Variants in NPM2 observed in about 807,000 individuals in gnomAD.
NPM2 encodes nucleophosmin/nucleoplasmin 2, also known as nucleoplasmin-2.
Under a neutral mutation model 32.0 loss-of-function variants are expected in NPM2, and 25 were observed. That is an observed-to-expected ratio of 0.78 (90% CI 0.57 to 1.09). The LOEUF is 1.09. Ranked by LOEUF, NPM2 falls within the 50% of genes least tolerant of loss-of-function variation. The probability of loss-of-function intolerance (pLI) is 0.00; values close to 1 mark genes in which losing one functional copy is unlikely to be tolerated. For synonymous variants in NPM2, 111 were observed against 94.2 expected, an observed-to-expected ratio of 1.18 and a Z score of -1.04; for missense variants, 282 against 259.9, an observed-to-expected ratio of 1.08 and a Z score of -0.58.
chr8:22,028,955 C>G (rs976050049), intron 5 of NPM2, among the ~76,000 whole-genome samples: 2 of 151,914 alleles, frequency 1.3e-5, no homozygotes, highest in African/African-American at 4.8e-5. Context: ...TCTCCTTTTC[C>G]TATATTTTAT....
intron 5 of NPM2, among the ~76,000 whole-genome samples, chr8:22,026,196 G>C (rs117191475): frequency 2.0e-5 from 3 of 152,024 alleles, no homozygotes; most frequent in Non-Finnish European, 4.4e-5. Context: ...CTTCTTATGA[G>C]AATCGAATGC....
intron 8 of NPM2, chr8:22,036,278 G>T: frequency 1.9e-6 from 1 of 536,662 alleles, no homozygotes; most frequent in East Asian, 3.2e-5. Flanking sequence ...AGACATTTGT[G>T]ATAACTAAAT....
chr8:22,036,422 C>T (rs989415294), intron 8 of NPM2, 71 bp from the exon 9 acceptor site: 20 of 1,504,146 alleles, frequency 1.3e-5, no homozygotes, highest in South Asian at 2.5e-5. Flanking sequence ...GGGAGGGCCA[C>T]GCCGCTGGTC....
At chr8:22,028,692 G>GGC (rs1408744520) in intron 5 of NPM2, among the ~76,000 whole-genome samples, 2 of 152,082 alleles carry the variant, frequency 1.3e-5, no homozygotes, top group East Asian at 3.8e-4. Context: ...GTTAGGTCAT[G>GGC]GCTCTCTCTC....
chr8:22,028,341 ATTTTTTTTTTTTTTTTT>A (rs36012479), intron 5 of NPM2, among the ~76,000 whole-genome samples: 3 of 65,570 alleles, frequency 4.6e-5, no homozygotes, highest in African/African-American at 1.2e-4. Context: ...TGCCAAAAAG[ATTTTTTTTTTTTTTTTT>A]TTTTTTTTTT....
At chr8:22,036,389 G>T in intron 8 of NPM2, 104 bp from the exon 9 acceptor site, 1 of 1,181,394 alleles carries the variant, frequency 8.5e-7, no homozygotes, top group South Asian at 1.4e-5. Context: ...GAGCAGCCAG[G>T]CTTGCTTTCC....
At chr8:22,036,399 C>T in intron 8 of NPM2, 94 bp from the exon 9 acceptor site, 2 of 1,305,298 alleles carry the variant, frequency 1.5e-6, no homozygotes, top group Admixed American at 4.8e-5. Flanking sequence ...GCTTGCTTTC[C>T]AGGGTGGGCA....
chr8:22,034,805 C>G (rs1290972973), intron 8 of NPM2, among the ~76,000 whole-genome samples: 2 of 152,156 alleles, frequency 1.3e-5, no homozygotes. Context: ...GGGAAATTAC[C>G]TGCACTAAGA....
At chr8:22,026,986 C>G (rs949013774) in intron 5 of NPM2, among the ~76,000 whole-genome samples, 2 of 152,118 alleles carry the variant, frequency 1.3e-5, no homozygotes, top group Non-Finnish European at 2.9e-5. Flanking sequence ...TTACCAAATG[C>G]TTTTCTATTC....
In NPM2 at chr8:22,025,637, C is replaced by T. The variant is rs1800220321; in HGVS notation, c.145-10C>T. ...GGTGATGAGGGGCCTCTATTTTCAACCCCGCTCAGATTTGCTTGGGGGAGA... is the reference window on the plus strand; with the variant it reads ...GGTGATGAGGGGCCTCTATTTTCAATCCCGCTCAGATTTGCTTGGGGGAGA... On this transcript the variant is annotated splice_polypyrimidine_tract_variant and intron_variant, in intron 4 of 9. Coordinates refer to ENST00000518119, the MANE Select transcript of NPM2 (RefSeq NM_001286680.2). 6 of 1,614,056 alleles carry T rather than the reference C, an allele frequency of 3.7e-6. No homozygotes were observed. Among genetic ancestry groups the T allele is most frequent in the South Asian group, 3.3e-5 (3 of 91,092 alleles).
chr8:22,036,831 T>A lies in NPM2; in HGVS notation c.*149T>A. On this transcript the variant is annotated 3_prime_UTR_variant, in exon 10 of 10. Transcript: ENST00000518119. ...CATGAGAGCCCCTCACCCCCAACTC[T>A]CCACTTTCAGGAGGCCCCCAGTGAA... The A allele has an allele frequency of 1.3e-6, 1 of 762,484 alleles. No individual in the cohort carries two copies. Among genetic ancestry groups the A allele is most frequent in the East Asian group, 3.0e-5 (1 of 33,372 alleles). The allele number at this position is 762,484 out of a possible 1,614,324, so 47.2% of individuals were successfully genotyped here. A position where few individuals can be genotyped will look rare whatever the true frequency, so the allele number is the denominator to read the frequency against.
chr8:22,036,335 C>T (rs1800619394), intron 8 of NPM2, 158 bp from the exon 9 acceptor site: 3 of 626,680 alleles, frequency 4.8e-6, no homozygotes, highest in Admixed American at 3.0e-5. Context: ...CATGCACACG[C>T]ACACACATCC....
chr8:22,024,606 C>T lies in NPM2; in HGVS notation c.-158C>T, dbSNP rs930933903. The T allele has an allele frequency of 6.6e-6, 1 of 152,372 alleles. No individual in the cohort carries two copies. Among genetic ancestry groups the T allele is most frequent in the Non-Finnish European group, 1.5e-5 (1 of 68,172 alleles). 9.4% of individuals were successfully genotyped at this position (152,372 alleles called of 1,614,324 possible). A position where few individuals can be genotyped will look rare whatever the true frequency, so the allele number is the denominator to read the frequency against. On this transcript the variant is annotated 5_prime_UTR_variant, in exon 1 of 10. Coordinates refer to ENST00000518119, the MANE Select transcript of NPM2 (RefSeq NM_001286680.2). ...TGTGGAGTGGGGCGCGGCAATGCGC[C>T]CCTTAACAGCCCTCCAGGTGATTCT...
intron 6 of NPM2, among the ~76,000 whole-genome samples, chr8:22,033,597 G>A (rs150988675): frequency 3.6e-4 from 54 of 151,864 alleles, no homozygotes; most frequent in Non-Finnish European, 5.7e-4. Flanking sequence ...CCATAGCAAC[G>A]CGGCATGATG....
chr8:22,024,483 C>A lies in NPM2; in HGVS notation c.-281C>A. 6.5e-6 allele frequency: 1 copy of A among 152,674 alleles called. No individual in the cohort carries two copies. The highest frequency in any genetic ancestry group is 1.9e-4 in the East Asian group (1 of 5,182). The allele number at this position is 152,674 out of a possible 1,614,324, so 9.5% of individuals were successfully genotyped here. A position where few individuals can be genotyped will look rare whatever the true frequency, so the allele number is the denominator to read the frequency against. Reference sequence around the variant, plus strand: ...GGTCCGCAATTGGCCGGGACAGCTTCTCACGAAAGGTCCTGGGCCGGCATC... The same window carrying A: ...GGTCCGCAATTGGCCGGGACAGCTTATCACGAAAGGTCCTGGGCCGGCATC... On this transcript the variant is annotated 5_prime_UTR_variant, in exon 1 of 10. Coordinates refer to ENST00000518119, the MANE Select transcript of NPM2 (RefSeq NM_001286680.2).
At chr8:22,036,425 C>A in intron 8 of NPM2, 68 bp from the exon 9 acceptor site, 2 of 1,521,998 alleles carry the variant, frequency 1.3e-6, no homozygotes, top group East Asian at 2.4e-5. Context: ...AGGGCCACGC[C>A]GCTGGTCTGG....
rs147569042 is a variant in NPM2, at chr8:22,034,201, A to G, written c.457A>G (p.Ile153Val). 1.2e-4 allele frequency: 198 copies of G among 1,612,944 alleles called. No homozygotes were observed. The highest frequency in any genetic ancestry group is 1.8e-4 in the East Asian group (8 of 44,878). Reference sequence around the variant, plus strand: ...AGATGATGAGGATGAGGATGCAGATATATCTCTGGAGGAGCAAAGCCCTGT... The same window carrying G: ...AGATGATGAGGATGAGGATGCAGATGTATCTCTGGAGGAGCAAAGCCCTGT... ...EEDDEDEDADISLEEQSPVKQ... is the reference protein window; with the variant it reads ...EEDDEDEDADVSLEEQSPVKQ... The change falls in exon 7 of 10, where the codon ATA becomes GTA. Residue 153 changes from isoleucine (I) to valine (V), a missense_variant. Coordinates refer to ENST00000518119, the MANE Select transcript of NPM2 (RefSeq NM_001286680.2).
In NPM2 at chr8:22,025,225, C is replaced by G. The variant is rs778619611; in HGVS notation, c.-24C>G. Reference sequence around the variant, plus strand: ...GGCGCCCTCCTTGCAGCTGCCCGGCCAGCCCGCTTCTCTGCCCGGAGCCAT... The same window carrying G: ...GGCGCCCTCCTTGCAGCTGCCCGGCGAGCCCGCTTCTCTGCCCGGAGCCAT... On this transcript the variant is annotated 5_prime_UTR_variant, in exon 3 of 10. Coordinates refer to ENST00000518119, the MANE Select transcript of NPM2 (RefSeq NM_001286680.2). 2 of 1,607,310 alleles carry G rather than the reference C, an allele frequency of 1.2e-6. No homozygotes were observed. Among genetic ancestry groups the G allele is most frequent in the East Asian group, 4.5e-5 (2 of 44,750 alleles).
At chr8:22,025,401 G>A in intron 3 of NPM2, 35 bp from the exon 4 acceptor site, 1 of 1,609,026 alleles carries the variant, frequency 6.2e-7, no homozygotes, top group Non-Finnish European at 8.5e-7. Context: ...GGGAACGAAT[G>A]GAGGGCCCCA....
Sources: allele counts gnomAD v4.1 joint callset (sites outside exome capture counted in the v4.1 genomes callset), GRCh38; gene constraint gnomAD v4.1.1; transcripts MANE v1.5; gene names NCBI Gene and HGNC (gene_info 2026-07-23, HGNC 2026-07-21).